CDH13: variants seen among roughly 807,000 people sequenced by gnomAD.
CDH13 encodes the protein cadherin 13, also known as cadherin-13.
CDH13 carries 24 observed loss-of-function variants against 63.8 expected under a neutral mutation model. That is an observed-to-expected ratio of 0.38 (90% CI 0.27 to 0.53). The LOEUF is 0.53. Ranked by LOEUF, CDH13 falls within the 20% of genes least tolerant of loss-of-function variation. The pLI, the probability that CDH13 is intolerant of heterozygous loss-of-function variation, is 0.85. For missense variants in CDH13, 1,049 were observed against 903.1 expected, an observed-to-expected ratio of 1.16 and a Z score of -2.07; for synonymous variants, 503 against 355.3, an observed-to-expected ratio of 1.42 and a Z score of -4.67.
At chr16:83,361,791 T>G (rs1454251715) in intron 6 of CDH13, among the ~76,000 whole-genome samples, 1 of 152,164 alleles carries the variant, frequency 6.6e-6, no homozygotes, top group Non-Finnish European at 1.5e-5. Context: ...TCTATGTGTC[T>G]ATTTATGTAC....
At chr16:83,057,559 C>T (rs1025007822) in intron 3 of CDH13, among the ~76,000 whole-genome samples, 2 of 149,098 alleles carry the variant, frequency 1.3e-5, no homozygotes, top group African/African-American at 5.0e-5. Flanking sequence ...ATTGAGTTAG[C>T]AAGTATCTTT....
intron 1 of CDH13, among the ~76,000 whole-genome samples, chr16:82,739,435 TTCCTCATGAAATATGCTTTAGTTG>T (rs1396007526): frequency 6.6e-6 from 1 of 152,240 alleles, no homozygotes; most frequent in Non-Finnish European, 1.5e-5. Context: ...TGTTGAAATT[TTCCTCATGAAATATGCTTTAGTTG>T]TCTTGGTAAA....
intron 8 of CDH13, among the ~76,000 whole-genome samples, chr16:83,634,117 CTGTGTGTGTGTGTGTGTATG>C (rs1189374601): frequency 1.3e-5 from 1 of 77,066 alleles, no homozygotes; most frequent in East Asian, 5.6e-4. Context: ...TGTGTGTTTT[CTGTGTGTGTGTGTGTGTATG>C]TGTGTGTGTG....
intron 3 of CDH13, among the ~76,000 whole-genome samples, chr16:83,107,802 T>C: frequency 6.6e-6 from 1 of 151,758 alleles, no homozygotes; most frequent in South Asian, 2.1e-4. Flanking sequence ...TTTTCTTTTC[T>C]TTTTTCTTTT....
chr16:82,893,467 A>G (rs75631345), intron 2 of CDH13, among the ~76,000 whole-genome samples: 11,002 of 152,316 alleles, frequency 0.072, 546 homozygotes, highest in Middle Eastern at 0.16. Flanking sequence ...TTAATCTACA[A>G]GTGTGATCAG....
rs75873688 is a variant in CDH13 at position 82,860,121 on chromosome 16, C to T, written c.157+1648C>T. Among the ~76,000 whole-genome samples the T allele has an allele frequency of 1.1e-4, 17 of 152,190 alleles. No individual in the cohort carries two copies. In the East Asian group the frequency reaches 2.5e-3, roughly 22 times the overall value. Reference sequence around the variant, plus strand: ...GCTCTCCTCTCCTCTCTTCCTCTGTCTTCCTTTTATTTTTTTTCCAAGTGA... The same window carrying T: ...GCTCTCCTCTCCTCTCTTCCTCTGTTTTCCTTTTATTTTTTTTCCAAGTGA... On this transcript the variant is annotated intron_variant, in intron 2 of 13. Transcript: ENST00000567109.
intron 5 of CDH13, among the ~76,000 whole-genome samples, chr16:83,238,768 T>C (rs940173799): frequency 2.7e-5 from 4 of 150,272 alleles, no homozygotes; most frequent in Non-Finnish European, 5.9e-5. Flanking sequence ...TTGTTTGTTT[T>C]AGCGTTGAAC....
intron 6 of CDH13, among the ~76,000 whole-genome samples, chr16:83,409,764 T>C (rs72804378): frequency 0.082 from 12,505 of 152,296 alleles, 579 homozygotes; most frequent in Middle Eastern, 0.13. Context: ...TGTTGAGTGG[T>C]ACAATCCATG....
intron 1 of CDH13, among the ~76,000 whole-genome samples, chr16:82,772,404 T>A (rs2035305926): frequency 6.6e-6 from 1 of 152,062 alleles, no homozygotes; most frequent in Admixed American, 6.6e-5. Context: ...GTATACCAGC[T>A]GCAATATGGT....
chr16:83,180,780 G>C (rs2038320383), intron 4 of CDH13: 2 of 869,160 alleles, frequency 2.3e-6, no homozygotes, highest in Non-Finnish European at 3.6e-6. Flanking sequence ...AACAAACAAA[G>C]GCTGCTTAAT....
intron 4 of CDH13, among the ~76,000 whole-genome samples, chr16:83,193,035 C>G (rs1240743035): frequency 1.3e-5 from 2 of 152,012 alleles, no homozygotes; most frequent in Non-Finnish European, 2.9e-5. Context: ...ACGGTAGAAT[C>G]TGGTGTCAGA....
chr16:83,237,591 G>C (rs574942639), intron 5 of CDH13, among the ~76,000 whole-genome samples: 1 of 152,326 alleles, frequency 6.6e-6, no homozygotes, highest in East Asian at 1.9e-4. Context: ...GCTGCATTTG[G>C]CTGATGGCCT....
intron 8 of CDH13, among the ~76,000 whole-genome samples, chr16:83,646,712 A>AAAAAACCAC (rs1168012793): frequency 1.2e-5 from 1 of 80,490 alleles, no homozygotes. Flanking sequence ...AAAAAAAAAA[A>AAAAAACCAC]ACACACACAC....
intron 5 of CDH13, among the ~76,000 whole-genome samples, chr16:83,303,015 C>G (rs2089787056): frequency 6.6e-6 from 1 of 152,208 alleles, no homozygotes; most frequent in African/African-American, 2.4e-5. Flanking sequence ...CATTTCCAGT[C>G]CAACAGTAGC....
chr16:83,011,299 T>C (rs1353456677), intron 2 of CDH13, among the ~76,000 whole-genome samples: 1 of 152,182 alleles, frequency 6.6e-6, no homozygotes, highest in Non-Finnish European at 1.5e-5. Context: ...CTTAAAATGA[T>C]GACGTCATGC....
intron 1 of CDH13, among the ~76,000 whole-genome samples, chr16:82,687,969 T>C (rs1423438412): frequency 6.6e-6 from 1 of 152,220 alleles, no homozygotes; most frequent in Non-Finnish European, 1.5e-5. Context: ...CAACTTTTAC[T>C]GTCCATTGCC....
At chr16:83,322,190 C>T (rs2090244865) in intron 5 of CDH13, among the ~76,000 whole-genome samples, 1 of 152,166 alleles carries the variant, frequency 6.6e-6, no homozygotes, top group South Asian at 2.1e-4. Context: ...GCTACAGACA[C>T]ATTATGTCGA....
At chr16:83,097,617 G>C (rs2034271906) in intron 3 of CDH13, among the ~76,000 whole-genome samples, 1 of 152,170 alleles carries the variant, frequency 6.6e-6, no homozygotes, top group Admixed American at 6.5e-5. Context: ...GCCTGACTGG[G>C]ATAGCCAAGG....
chr16:82,733,557 C>T (rs867987949), intron 1 of CDH13, among the ~76,000 whole-genome samples: 89 of 152,216 alleles, frequency 5.8e-4, no homozygotes, highest in African/African-American at 1.9e-3. Flanking sequence ...GAGTGTTTTT[C>T]ATCATCTTGA....
Sources: allele counts gnomAD v4.1 joint callset (sites outside exome capture counted in the v4.1 genomes callset), GRCh38; gene constraint gnomAD v4.1.1; transcripts MANE v1.5; gene names NCBI Gene and HGNC (gene_info 2026-07-23, HGNC 2026-07-21).